CSMD1: variants seen among roughly 807,000 people sequenced by gnomAD.
The protein encoded by CSMD1 is CUB and Sushi multiple domains 1, also known as CUB and sushi domain-containing protein 1.
CSMD1 carries 213 observed loss-of-function variants against 417.5 expected under a neutral mutation model. The ratio of observed to expected loss-of-function variants is 0.51; its 90% CI spans 0.46 to 0.57. CSMD1 has a LOEUF of 0.57. Ranked by LOEUF, CSMD1 falls within the 20% of genes least tolerant of loss-of-function variation. The pLI, the probability that CSMD1 is intolerant of heterozygous loss-of-function variation, is 0.00. For missense variants in CSMD1, 6,923 were observed against 4,529.7 expected, an observed-to-expected ratio of 1.53 and a Z score of -15.17; for synonymous variants, 2,862 against 1,736.8, an observed-to-expected ratio of 1.65 and a Z score of -16.11.
At chr8:4,463,584 G>A (rs13250119) in intron 2 of CSMD1, among the ~76,000 whole-genome samples, 17,877 of 152,060 alleles carry the variant, frequency 0.12, 1,278 homozygotes, top group Middle Eastern at 0.17. Flanking sequence ...CAGAAGAAGT[G>A]AACTGCCGAT....
chr8:3,319,943 T>C (rs1240947166), intron 23 of CSMD1, among the ~76,000 whole-genome samples: 1 of 152,006 alleles, frequency 6.6e-6, no homozygotes, highest in Admixed American at 6.6e-5. Context: ...GCAGCTCTGG[T>C]TAATTTATTG....
intron 5 of CSMD1, among the ~76,000 whole-genome samples, chr8:3,841,066 C>T (rs889724837): frequency 6.6e-6 from 1 of 152,022 alleles, no homozygotes; most frequent in African/African-American, 2.4e-5. Flanking sequence ...AAACACTAAA[C>T]TACACTGATT....
intron 1 of CSMD1, among the ~76,000 whole-genome samples, chr8:4,652,203 C>A (rs571018971): frequency 6.6e-6 from 1 of 152,004 alleles, no homozygotes. Context: ...TAGGAGTCTT[C>A]AAAAGAACCA....
chr8:4,122,391 C>A (rs1403955515), intron 3 of CSMD1, among the ~76,000 whole-genome samples: 1 of 152,172 alleles, frequency 6.6e-6, no homozygotes, highest in African/African-American at 2.4e-5. Flanking sequence ...CCAGGCTGTA[C>A]ACCAACATGA....
chr8:3,642,384 A>G (rs1797351044), intron 7 of CSMD1, among the ~76,000 whole-genome samples: 1 of 152,176 alleles, frequency 6.6e-6, no homozygotes, highest in African/African-American at 2.4e-5. Context: ...TATAACCTTA[A>G]GTCCACTTTC....
chr8:4,321,788 T>G (rs182711810), intron 3 of CSMD1, among the ~76,000 whole-genome samples: 3 of 152,338 alleles, frequency 2.0e-5, no homozygotes, highest in South Asian at 2.1e-4. Flanking sequence ...ACAATTTTTT[T>G]TCTAAATTTA....
intron 3 of CSMD1, among the ~76,000 whole-genome samples, chr8:4,377,296 G>T (rs902795773): frequency 6.6e-6 from 1 of 152,140 alleles, no homozygotes; most frequent in Non-Finnish European, 1.5e-5. Flanking sequence ...AAGGGAGGAG[G>T]AGAAGTCACC....
intron 66 of CSMD1, among the ~76,000 whole-genome samples, chr8:2,950,607 AATAAC>A (rs1233073478): frequency 6.6e-6 from 1 of 152,208 alleles, no homozygotes; most frequent in Non-Finnish European, 1.5e-5. Flanking sequence ...AAGAATAAAA[AATAAC>A]ATATTTGATT....
rs1802021716 is a variant in CSMD1, at chr8:4,365,557, T to G, written c.415+54396A>C. On this transcript the variant is annotated intron_variant, in intron 3 of 69. Transcript: ENST00000635120. The stretch of plus-strand genomic sequence containing the variant: ...GATATCAGAGACAGTTACTTATGAT[T>G]GTGCCTCTTATTGATGATATCAAGC... 2.6e-5 allele frequency among the ~76,000 whole-genome samples: 4 copies of G among 152,224 alleles called. No homozygotes were observed. The South Asian group carries it at 8.3e-4, about 32-fold the overall frequency.
At chr8:3,655,011 G>A (rs1037040525) in intron 7 of CSMD1, among the ~76,000 whole-genome samples, 3 of 152,096 alleles carry the variant, frequency 2.0e-5, no homozygotes, top group Non-Finnish European at 2.9e-5. Context: ...CAGCAATAAC[G>A]CTCAAATTTT....
At chr8:2,952,966 T>C (rs1011775304) in intron 65 of CSMD1, among the ~76,000 whole-genome samples, 1 of 152,198 alleles carries the variant, frequency 6.6e-6, no homozygotes, top group African/African-American at 2.4e-5. Context: ...TACTAGAATG[T>C]ACCACCATGA....
At chr8:3,127,782 T>A (rs1021453848) in intron 41 of CSMD1, 14 of 151,982 alleles carry the variant, frequency 9.2e-5, no homozygotes, top group Non-Finnish European at 1.8e-4. Context: ...CCAAAAAAGT[T>A]TATGCATTAG....
chr8:3,731,944 G>T (rs966609955), intron 6 of CSMD1, among the ~76,000 whole-genome samples: 2 of 152,110 alleles, frequency 1.3e-5, no homozygotes, highest in Non-Finnish European at 2.9e-5. Flanking sequence ...CCATACAATG[G>T]ACTCCAAACC....
chr8:3,825,266 A>C (rs1801987026), intron 5 of CSMD1, among the ~76,000 whole-genome samples: 2 of 152,162 alleles, frequency 1.3e-5, no homozygotes, highest in Non-Finnish European at 2.9e-5. Context: ...GTGGTGGCTC[A>C]CGCCTGTAAT....
At chr8:3,579,035 G>T (rs768646498) in intron 9 of CSMD1, among the ~76,000 whole-genome samples, 1 of 152,176 alleles carries the variant, frequency 6.6e-6, no homozygotes. Context: ...AAAATTCACC[G>T]ACATGCTTGA....
chr8:3,133,512 T>C (rs1382548402), intron 41 of CSMD1, among the ~76,000 whole-genome samples: 1 of 152,132 alleles, frequency 6.6e-6, no homozygotes, highest in Non-Finnish European at 1.5e-5. Context: ...ACTGTTACAC[T>C]GGAAGGCTCA....
chr8:4,529,552 A>G (rs966989399), intron 2 of CSMD1, among the ~76,000 whole-genome samples: 2 of 152,234 alleles, frequency 1.3e-5, no homozygotes, highest in Non-Finnish European at 2.9e-5. Context: ...CAGGGTAAAT[A>G]TAAGTAGATA....
chr8:3,071,147 C>T (rs1021242594), intron 49 of CSMD1, among the ~76,000 whole-genome samples: 10 of 152,208 alleles, frequency 6.6e-5, no homozygotes, highest in East Asian at 1.9e-4. Flanking sequence ...AGGATCCACC[C>T]GCTTGATCCA....
At chr8:4,112,597 G>A (rs576007117) in intron 3 of CSMD1, among the ~76,000 whole-genome samples, 9 of 152,136 alleles carry the variant, frequency 5.9e-5, no homozygotes, top group East Asian at 3.9e-4. Context: ...CAGTCTGTGC[G>A]TGTATGAGGG....
Sources: gnomAD v4.1 joint callset for allele counts (sites outside exome capture counted in the v4.1 genomes callset) on GRCh38, gnomAD v4.1.1 for gene constraint, MANE v1.5 for transcripts, NCBI Gene and HGNC (gene_info 2026-07-23, HGNC 2026-07-21) for gene names.